SFSWAP: variants seen among roughly 807,000 people sequenced by gnomAD.
The protein encoded by SFSWAP is splicing factor SWAP.
Under a neutral mutation model 100.7 loss-of-function variants are expected in SFSWAP, and 17 were observed. The observed-to-expected ratio is 0.17, with a 90% confidence interval of 0.12 to 0.25. The LOEUF is 0.25. Ranked by LOEUF, SFSWAP falls within the 10% of genes least tolerant of loss-of-function variation. The pLI is 1.00. For synonymous variants in SFSWAP, 504 were observed against 510.1 expected, an observed-to-expected ratio of 0.99 and a Z score of 0.16; for missense variants, 1,005 against 1,262.6, an observed-to-expected ratio of 0.80 and a Z score of 3.09.
At chr12:131,738,611 AG>A (rs1176589057) in intron 7 of SFSWAP, among the ~76,000 whole-genome samples, 1 of 152,252 alleles carries the variant, frequency 6.6e-6, no homozygotes, top group African/African-American at 2.4e-5. Context: ...AAAAAAGGTT[AG>A]GAGAACATTG....
rs1879423649 is a variant in SFSWAP, at chr12:131,730,780, C to A, written c.1081+2352C>A. ...ACCCTGGGCACTGACGGCACCCCAC[C>A]CTATCCTCCCAACTGCAAGGGCTCT... On this transcript the variant is annotated intron_variant, in intron 7 of 17. Transcript: ENST00000261674. This position sits in a 1 kb window ranked among gnomAD's most constrained non-coding sequence, Gnocchi z 4.0. Among the ~76,000 whole-genome samples the A allele has an allele frequency of 1.3e-5, 2 of 152,172 alleles. No homozygotes were observed. Among genetic ancestry groups the A allele is most frequent in the South Asian group, 4.1e-4 (2 of 4,836 alleles).
intron 15 of SFSWAP, among the ~76,000 whole-genome samples, chr12:131,793,156 C>G (rs1462022649): frequency 6.6e-6 from 1 of 151,676 alleles, no homozygotes; most frequent in Non-Finnish European, 1.5e-5. Context: ...GTGGTGTGAT[C>G]TCGACTCAGC....
chr12:131,737,426 C>T (rs916182700), intron 7 of SFSWAP, among the ~76,000 whole-genome samples: 13 of 152,158 alleles, frequency 8.5e-5, no homozygotes, highest in African/African-American at 3.1e-4. Context: ...GACTCGTCAC[C>T]CTCTCAAAAC....
intron 14 of SFSWAP, among the ~76,000 whole-genome samples, chr12:131,779,533 C>G (rs1431120297): frequency 2.6e-5 from 4 of 152,196 alleles, no homozygotes; most frequent in Admixed American, 1.3e-4. Flanking sequence ...ACAGCTTGCC[C>G]TGTTTTCAGA....
chr12:131,718,562 A>G (rs769236123), intron 3 of SFSWAP, among the ~76,000 whole-genome samples: 21 of 152,244 alleles, frequency 1.4e-4, no homozygotes, highest in Non-Finnish European at 2.8e-4. Context: ...TAATGAATAC[A>G]TAGAAATGGA....
intron 15 of SFSWAP, among the ~76,000 whole-genome samples, chr12:131,789,229 A>G (rs1425486466): frequency 6.6e-6 from 1 of 152,126 alleles, no homozygotes; most frequent in Admixed American, 6.5e-5. Flanking sequence ...CAGTCTGCCT[A>G]TCTCAGCCTC....
intron 11 of SFSWAP, among the ~76,000 whole-genome samples, chr12:131,759,305 C>G (rs1882448405): frequency 6.6e-6 from 1 of 152,044 alleles, no homozygotes; most frequent in Admixed American, 6.5e-5. Flanking sequence ...TAGTGAAATA[C>G]CTCTCAACCC....
At chr12:131,738,885 C>CTTTTTTTTTTTTTTT (rs71072785) in intron 7 of SFSWAP, among the ~76,000 whole-genome samples, 772 of 48,730 alleles carry the variant, frequency 0.016, 275 homozygotes, top group Non-Finnish European at 0.025. Flanking sequence ...GAACATTATT[C>CTTTTTTTTTTTTTTT]TTTTTTTTTT....
intron 14 of SFSWAP, chr12:131,785,489 A>G (rs1884827855): frequency 2.8e-6 from 1 of 360,684 alleles, no homozygotes; most frequent in South Asian, 5.3e-5. Flanking sequence ...ATGAGTTGTC[A>G]TGGAAACAAA....
intron 4 of SFSWAP, among the ~76,000 whole-genome samples, chr12:131,724,863 G>A (rs1005802775): frequency 2.0e-5 from 3 of 152,212 alleles, no homozygotes; most frequent in Non-Finnish European, 4.4e-5. Flanking sequence ...CTGTGCAGGG[G>A]CTGGGGAGCA....
chr12:131,720,173 A>G (rs1566003462), intron 4 of SFSWAP, among the ~76,000 whole-genome samples: 1 of 152,084 alleles, frequency 6.6e-6, no homozygotes, highest in African/African-American at 2.4e-5. Context: ...CCAAACCAGG[A>G]TTTTTCCTTT....
In SFSWAP at chr12:131,725,756, G is replaced by A. The variant is rs1007390056; in HGVS notation, c.832+126G>A. ...AGATGCATGGTTGAAAGCCAGACTCGAATTTCTAGAATGTGTCTGAAATCC... is the reference window on the plus strand; with the variant it reads ...AGATGCATGGTTGAAAGCCAGACTCAAATTTCTAGAATGTGTCTGAAATCC... On this transcript the variant is annotated intron_variant, in intron 5 of 17. Transcript: ENST00000261674. The surrounding 1 kb of genome is among the most constrained non-coding windows in gnomAD (Gnocchi z 4.3). The A allele has an allele frequency of 1.9e-5, 13 of 689,440 alleles. No individual in the cohort carries two copies. The highest frequency in any genetic ancestry group is 3.5e-4 in the Middle Eastern group (1 of 2,894). 42.7% of individuals were successfully genotyped at this position (689,440 alleles called of 1,614,324 possible).
intron 11 of SFSWAP, among the ~76,000 whole-genome samples, chr12:131,760,812 G>T (rs1369865055): frequency 6.6e-6 from 1 of 152,162 alleles, no homozygotes; most frequent in East Asian, 1.9e-4. Context: ...GGTGGCTCAC[G>T]CTTGTAATCC....
chr12:131,756,728 C>A (rs917063039), intron 11 of SFSWAP, 84 bp downstream of exon 11: 1 of 1,256,392 alleles, frequency 8.0e-7, no homozygotes, highest in Non-Finnish European at 1.1e-6. Context: ...AGACTCAGCG[C>A]CCTCACCTGC....
intron 11 of SFSWAP, among the ~76,000 whole-genome samples, chr12:131,762,801 G>A (rs896520385): frequency 2.0e-5 from 3 of 152,118 alleles, no homozygotes; most frequent in African/African-American, 7.2e-5. Flanking sequence ...GGGTTTCACC[G>A]TGTTGGCCCT....
chr12:131,778,350 C>T lies in SFSWAP; in HGVS notation c.2408+20C>T. 6.2e-7 allele frequency: 1 copy of T among 1,607,452 alleles called. No individual in the cohort carries two copies. The highest frequency in any genetic ancestry group is 8.5e-7 in the Non-Finnish European group (1 of 1,176,268). ...GTCGAGGTGGGTGTGAAGGGGGCAG[C>T]ACCTCTGGTACCCTCATGACCCCCA... On this transcript the variant is annotated intron_variant, in intron 14 of 17. Coordinates refer to ENST00000261674, the MANE Select transcript of SFSWAP (RefSeq NM_004592.4). This position sits in a 1 kb window ranked among gnomAD's most constrained non-coding sequence, Gnocchi z 4.2.
At chr12:131,799,312 C>T (rs2136287461) in intron 17 of SFSWAP, 111 bp from the exon 18 acceptor site, 7 of 1,233,374 alleles carry the variant, frequency 5.7e-6, no homozygotes, top group South Asian at 2.4e-5. Flanking sequence ...GCCGCCCCCA[C>T]GGTGCTAGCA....
chr12:131,742,391 A>G (rs1880725685), intron 7 of SFSWAP, among the ~76,000 whole-genome samples: 1 of 152,182 alleles, frequency 6.6e-6, no homozygotes. Context: ...ACTGATGAAA[A>G]TGGTAAGTTA....
intron 7 of SFSWAP, among the ~76,000 whole-genome samples, chr12:131,738,413 C>T (rs1880246586): frequency 6.6e-6 from 1 of 152,340 alleles, no homozygotes. Flanking sequence ...AGCTTGTTAT[C>T]TGTGGAACAC....
Sources: allele counts gnomAD v4.1 joint callset (sites outside exome capture counted in the v4.1 genomes callset), GRCh38; gene constraint gnomAD v4.1.1; non-coding constraint Gnocchi (gnomAD v3.1); transcripts MANE v1.5; gene names NCBI Gene and HGNC (gene_info 2026-07-23, HGNC 2026-07-21).